The following PKP4 variants were observed in gnomAD, a reference collection of about 807,000 sequenced individuals.
The protein encoded by PKP4 is plakophilin-4.
Under a neutral mutation model 145.1 loss-of-function variants are expected in PKP4, and 90 were observed. The observed-to-expected ratio is 0.62, with a 90% confidence interval of 0.52 to 0.74. The LOEUF (loss-of-function observed/expected upper bound fraction) is 0.74. Among genes scored for constraint, PKP4 ranks in the 30% least tolerant of loss-of-function variants. The probability of loss-of-function intolerance (pLI) is 0.00; values close to 1 mark genes in which losing one functional copy is unlikely to be tolerated. For missense variants in PKP4, 1,340 were observed against 1,482.7 expected (o/e 0.90, Z 1.58); for synonymous variants, 563 against 577.2 (o/e 0.98, Z 0.35).
intron 2 of PKP4, among the ~76,000 whole-genome samples, chr2:158,536,602 G>A (rs999331626): frequency 1.3e-5 from 2 of 152,176 alleles, no homozygotes; most frequent in Non-Finnish European, 2.9e-5. Flanking sequence ...TCATAAAACA[G>A]TGAAATCTTT....
chr2:158,540,507 A>T (rs554956083), intron 2 of PKP4, among the ~76,000 whole-genome samples: 1 of 152,342 alleles, frequency 6.6e-6, no homozygotes, highest in African/African-American at 2.4e-5. Context: ...ATAAGTAGAC[A>T]TATAAAGTTG....
chr2:158,530,742 G>A (rs1014555781), intron 1 of PKP4, among the ~76,000 whole-genome samples: 2 of 151,946 alleles, frequency 1.3e-5, no homozygotes, highest in Non-Finnish European at 2.9e-5. Flanking sequence ...GTAGGGAAGT[G>A]TCTCACCCTT....
At chr2:158,540,914 T>G (rs1178992809) in intron 2 of PKP4, among the ~76,000 whole-genome samples, 4 of 152,170 alleles carry the variant, frequency 2.6e-5, no homozygotes, top group African/African-American at 9.6e-5. Flanking sequence ...TAATTTCCTT[T>G]TCAGTTGAAT....
In PKP4 at chr2:158,658,118, T is replaced by A. The variant is rs766931200; in HGVS notation, c.1910-13T>A. 8 of 1,485,742 alleles carry A rather than the reference T, an allele frequency of 5.4e-6. No individual in the cohort carries two copies. In the Admixed American group the frequency reaches 1.3e-4, roughly 23 times the overall value. The allele number at this position is 1,485,742 out of a possible 1,614,324, so 92.0% of individuals were successfully genotyped here. On this transcript the variant is annotated splice_polypyrimidine_tract_variant and intron_variant, in intron 11 of 21. Coordinates refer to ENST00000389759, the MANE Select transcript of PKP4 (RefSeq NM_003628.6). ...ATCTCTATTTGTTTGATTTTTTAAA[T>A]CTCCTTTTTTAGGAGTTCTTTGGAA... is the stretch of plus-strand genomic sequence containing the variant.
intron 4 of PKP4, among the ~76,000 whole-genome samples, chr2:158,603,438 G>A (rs1558871488): frequency 6.6e-6 from 1 of 151,932 alleles, no homozygotes; most frequent in African/African-American, 2.4e-5. Context: ...TATACAAGTT[G>A]GGTATTTCAC....
chr2:158,530,097 G>A (rs900147235), intron 1 of PKP4, among the ~76,000 whole-genome samples: 14 of 152,014 alleles, frequency 9.2e-5, no homozygotes, highest in Non-Finnish European at 8.8e-5. Flanking sequence ...TATCATACAC[G>A]CCCCACTAGA....
At position 158,568,991 on chromosome 2, in the gene PKP4, G is replaced by A. The variant is rs1251752940; in HGVS notation, c.133-8280G>A. On this transcript the variant is annotated intron_variant, in intron 2 of 21. Coordinates refer to ENST00000389759, the MANE Select transcript of PKP4 (RefSeq NM_003628.6). Reference sequence around the variant, plus strand: ...CTTTCTCCAAAAAAAAGCCATCCGTGTGGGTGGGGTATGTAGGAAAAGCAT... The same window carrying A: ...CTTTCTCCAAAAAAAAGCCATCCGTATGGGTGGGGTATGTAGGAAAAGCAT... Among the ~76,000 whole-genome samples, 4 of 152,176 alleles carry A rather than the reference G, an allele frequency of 2.6e-5. No individual in the cohort carries two copies. The East Asian group carries it at 7.7e-4, about 29-fold the overall frequency.
chr2:158,536,317 A>T (rs1197884339), intron 2 of PKP4, among the ~76,000 whole-genome samples: 1 of 152,242 alleles, frequency 6.6e-6, no homozygotes, highest in Non-Finnish European at 1.5e-5. Context: ...TATAAAAATA[A>T]GTTTTATGAA....
At chr2:158,555,826 A>G (rs752616371) in intron 2 of PKP4, among the ~76,000 whole-genome samples, 9 of 152,054 alleles carry the variant, frequency 5.9e-5, no homozygotes, top group Non-Finnish European at 1.3e-4. Flanking sequence ...TCTGTGGCCT[A>G]TTTTTTTGTT....
intron 1 of PKP4, among the ~76,000 whole-genome samples, chr2:158,494,578 C>T (rs1695409601): frequency 6.6e-6 from 1 of 152,050 alleles, no homozygotes; most frequent in South Asian, 2.1e-4. Context: ...TTTCATTATT[C>T]AGTTATTTAG....
At chr2:158,560,194 T>C (rs2046400231) in intron 2 of PKP4, among the ~76,000 whole-genome samples, 1 of 152,188 alleles carries the variant, frequency 6.6e-6, no homozygotes, top group Non-Finnish European at 1.5e-5. Flanking sequence ...ATCTGCAGGC[T>C]GGCTATATAA....
chr2:158,587,900 C>A (rs2048935384), intron 3 of PKP4, among the ~76,000 whole-genome samples: 1 of 151,008 alleles, frequency 6.6e-6, no homozygotes, highest in African/African-American at 2.4e-5. Flanking sequence ...ATATTAACAC[C>A]TGTGTAACCA....
In PKP4 at chr2:158,470,849, G is replaced by A. The variant is rs1439952099; in HGVS notation, c.-6+13631G>A. 2.6e-5 allele frequency among the ~76,000 whole-genome samples: 4 copies of A among 152,270 alleles called. No individual in the cohort carries two copies. In the East Asian group the frequency reaches 7.7e-4, roughly 29 times the overall value. ...GCTAATTTTAAAAAGATTGGCCAGAGTCCTGAGAAGGCCTCCCACTGAGTG... is the reference window on the plus strand; with the variant it reads ...GCTAATTTTAAAAAGATTGGCCAGAATCCTGAGAAGGCCTCCCACTGAGTG... On this transcript the variant is annotated intron_variant, in intron 1 of 21. Transcript: ENST00000389759.
rs201980959 is a variant in PKP4, at chr2:158,604,136, T to C, written c.280+1032T>C. ...GTGGTTAACTGCCAAGTAAGTATTA[T>C]GTGGGAAATACTGATATAAGTGGAC... On this transcript the variant is annotated intron_variant, in intron 4 of 21. Coordinates refer to ENST00000389759, the MANE Select transcript of PKP4 (RefSeq NM_003628.6). Among the ~76,000 whole-genome samples the C allele has an allele frequency of 7.2e-5, 11 of 152,316 alleles. No homozygotes were observed. In the East Asian group the frequency reaches 1.9e-3, roughly 27 times the overall value.
chr2:158,464,867 C>T (rs1228481366), intron 1 of PKP4, among the ~76,000 whole-genome samples: 1 of 152,188 alleles, frequency 6.6e-6, no homozygotes, highest in Non-Finnish European at 1.5e-5. Context: ...ACAATTAGTA[C>T]TTTAGATATT....
chr2:158,564,938 G>GAATAAAGTAATAAAGTAATA (rs1440421837), intron 2 of PKP4, among the ~76,000 whole-genome samples: 5 of 152,056 alleles, frequency 3.3e-5, no homozygotes, highest in Non-Finnish European at 7.4e-5. Context: ...AGAATGTTTT[G>GAATAAAGTAATAAAGTAATA]AAGTAATAAA....
In PKP4 at chr2:158,598,741, C is replaced by T. The variant is rs530376110; in HGVS notation, c.246-4329C>T. Among the ~76,000 whole-genome samples, 3 of 152,258 alleles carry T rather than the reference C, an allele frequency of 2.0e-5. No homozygotes were observed. In the East Asian group the frequency reaches 5.8e-4, roughly 29 times the overall value. On this transcript the variant is annotated intron_variant, in intron 3 of 21. Coordinates refer to ENST00000389759, the MANE Select transcript of PKP4 (RefSeq NM_003628.6). ...GCGAGATCGCGCCACTGCACTCCAG[C>T]CTGGGCGAGAGCAAGACTCCAACTC...
At chr2:158,668,370 C>T (rs931530306) in intron 16 of PKP4, among the ~76,000 whole-genome samples, 1 of 152,164 alleles carries the variant, frequency 6.6e-6, no homozygotes, top group Non-Finnish European at 1.5e-5. Context: ...TCATCATCAG[C>T]ACTAGCAAAG....
intron 12 of PKP4, 94 bp downstream of exon 12, chr2:158,658,408 A>G (rs561461567): frequency 2.4e-5 from 18 of 750,184 alleles, no homozygotes; most frequent in East Asian, 2.1e-4. Flanking sequence ...ATTAACATCT[A>G]TCTAAGTTTC....
Sources: gnomAD v4.1 joint callset for allele counts (sites outside exome capture counted in the v4.1 genomes callset) on GRCh38, gnomAD v4.1.1 for gene constraint, MANE v1.5 for transcripts, NCBI Gene and HGNC (gene_info 2026-07-23, HGNC 2026-07-21) for gene names.